The following NXN variants were observed in gnomAD, a reference collection of about 807,000 sequenced individuals.
NXN encodes nucleoredoxin.
Under a neutral mutation model 48.6 loss-of-function variants are expected in NXN, and 16 were observed. That is an observed-to-expected ratio of 0.33 (90% CI 0.22 to 0.50). The LOEUF (loss-of-function observed/expected upper bound fraction) is 0.50, where lower values mean the gene tolerates loss of function less well. Among genes scored for constraint, NXN ranks in the 20% least tolerant of loss-of-function variants. The pLI is 0.98. For synonymous variants in NXN, 281 were observed against 269.6 expected (o/e 1.04, Z -0.41); for missense variants, 492 against 605.5 (o/e 0.81, Z 1.97).
intron 1 of NXN, among the ~76,000 whole-genome samples, chr17:964,011 A>T (rs993493656): frequency 2.0e-5 from 3 of 152,192 alleles, no homozygotes; most frequent in Non-Finnish European, 4.4e-5. Flanking sequence ...CGGGAGGCGG[A>T]GCTTGCAGTG....
At chr17:892,636 C>CGG (rs999015416) in intron 1 of NXN, among the ~76,000 whole-genome samples, 1 of 57,816 alleles carries the variant, frequency 1.7e-5, no homozygotes, top group Non-Finnish European at 3.5e-5. Flanking sequence ...AGGGGCGGGG[C>CGG]GGGGTGGGGT....
At chr17:865,312 G>C (rs2144791371) in intron 1 of NXN, among the ~76,000 whole-genome samples, 1 of 151,730 alleles carries the variant, frequency 6.6e-6, no homozygotes, top group East Asian at 2.0e-4. Flanking sequence ...GCACGATCTT[G>C]GCTCACCGCA....
intron 1 of NXN, chr17:909,645 T>A (rs1423343622): frequency 6.6e-6 from 1 of 151,148 alleles, no homozygotes; most frequent in Non-Finnish European, 1.5e-5. Context: ...TTCACGCCAT[T>A]CTCCTGCCTC....
intron 1 of NXN, among the ~76,000 whole-genome samples, chr17:835,083 C>G (rs371324542): frequency 1.3e-5 from 2 of 151,122 alleles, no homozygotes; most frequent in Non-Finnish European, 3.0e-5. Context: ...CCGAGGCGGG[C>G]GGATCACAAG....
Position 807,268 on chromosome 17 carries a change from G to C in NXN, c.821-2021C>G, listed in dbSNP as rs142869812. ...ATCCCCCCGGCAAGGTCCTTCCTCA[G>C]AGTAGGGTGTTTCTGAAATTGGGCA... is the stretch of plus-strand genomic sequence containing the variant. On this transcript the variant is annotated intron_variant, in intron 5 of 7. Transcript: ENST00000336868. Among the ~76,000 whole-genome samples the C allele has an allele frequency of 8.9e-3, 1,362 of 152,318 alleles. 15 individuals carry two copies. The highest frequency in any genetic ancestry group is 0.037 in the South Asian group (181 of 4,832).
At chr17:963,063 A>AT (rs1298672729) in intron 1 of NXN, among the ~76,000 whole-genome samples, 5 of 152,124 alleles carry the variant, frequency 3.3e-5, no homozygotes, top group African/African-American at 1.2e-4. Flanking sequence ...CAGAAATCAT[A>AT]CAAGGTTATC....
intron 1 of NXN, among the ~76,000 whole-genome samples, chr17:948,709 G>GGCCC (rs1201449893): frequency 1.3e-5 from 2 of 151,694 alleles, no homozygotes; most frequent in African/African-American, 4.8e-5. Flanking sequence ...GCCTCACCCC[G>GGCCC]GCCCGTCCCG....
At chr17:939,642 G>C (rs898541896) in intron 1 of NXN, among the ~76,000 whole-genome samples, 1 of 152,050 alleles carries the variant, frequency 6.6e-6, no homozygotes, top group African/African-American at 2.4e-5. Context: ...CACCGCGCCT[G>C]GCCAGAGATC....
intron 1 of NXN, among the ~76,000 whole-genome samples, chr17:884,306 G>C (rs936117317): frequency 5.3e-5 from 8 of 152,080 alleles, no homozygotes; most frequent in African/African-American, 1.9e-4. Flanking sequence ...TTGGGGGGCT[G>C]AGGTGGGAGG....
Position 897,508 on chromosome 17 carries a change from G to A in NXN, c.361-71430C>T, listed in dbSNP as rs181362090. Among the ~76,000 whole-genome samples, 1,412 of 152,260 alleles carry A rather than the reference G, an allele frequency of 9.3e-3. 83 individuals carry two copies. The highest frequency in any genetic ancestry group is 0.085 in the Admixed American group (1,303 of 15,280). On this transcript the variant is annotated intron_variant, in intron 1 of 7. Coordinates refer to ENST00000336868, the MANE Select transcript of NXN (RefSeq NM_022463.5). ...TTGAATAAGGGAAGGAAAATGCCGG[G>A]CGGCCTCATTCACGTCCGGCATGTT...
At chr17:912,471 T>A (rs2068645703) in intron 1 of NXN, among the ~76,000 whole-genome samples, 1 of 152,166 alleles carries the variant, frequency 6.6e-6, no homozygotes. Flanking sequence ...AGACCCCGTC[T>A]ACATCCTTGC....
chr17:817,279 G>A lies in NXN; in HGVS notation c.820+2160C>T, dbSNP rs566014339. Among the ~76,000 whole-genome samples, 15 of 152,276 alleles carry A rather than the reference G, an allele frequency of 9.9e-5. 1 individual carries two copies. The highest frequency in any genetic ancestry group is 3.4e-3 in the Middle Eastern group (1 of 294). ...GTGATTCTCATATGTACTTGGGATT[G>A]AGAAGCACCAATCTAAAATTAAATA... On this transcript the variant is annotated intron_variant, in intron 5 of 7. Transcript: ENST00000336868.
At chr17:896,981 A>G in intron 1 of NXN, 2 of 1,175,312 alleles carry the variant, frequency 1.7e-6, no homozygotes, top group Non-Finnish European at 2.1e-6. Context: ...CTCTCCTAGG[A>G]AAGTCCCCGC....
rs66721481 is a variant in NXN, at chr17:838,126, C to CTTTTT, written c.361-12053_361-12049dup. On this transcript the variant is annotated intron_variant, in intron 1 of 7. Coordinates refer to ENST00000336868, the MANE Select transcript of NXN (RefSeq NM_022463.5). ...CAGAACACTGAATTTTCCTTTCCTTCTTTTTTTTTTTTTTTTTTTTTTTGA... is the reference window on the plus strand; with the variant it reads ...CAGAACACTGAATTTTCCTTTCCTTCTTTTTTTTTTTTTTTTTTTTTTTTTTTTGA... Among the ~76,000 whole-genome samples the CTTTTT allele has an allele frequency of 5.2e-3, 518 of 99,140 alleles. 4 individuals carry two copies. The highest frequency in any genetic ancestry group is 6.6e-3 in the African/African-American group (156 of 23,758). The allele number at this position is 99,140 out of a possible 152,430, so 65.0% of individuals were successfully genotyped here.
intron 1 of NXN, among the ~76,000 whole-genome samples, chr17:947,205 A>C (rs182234775): frequency 6.6e-6 from 1 of 152,084 alleles, no homozygotes; most frequent in Non-Finnish European, 1.5e-5. Context: ...TGGCTGAAAA[A>C]CCGTCACAGG....
intron 5 of NXN, among the ~76,000 whole-genome samples, chr17:806,849 G>A (rs951609633): frequency 3.3e-5 from 5 of 152,130 alleles, no homozygotes; most frequent in Non-Finnish European, 7.4e-5. Flanking sequence ...CAAAGTGGCT[G>A]ATGTATCAGG....
intron 4 of NXN, among the ~76,000 whole-genome samples, 192 bp from the exon 5 acceptor site, chr17:819,737 T>A (rs1912714880): frequency 6.6e-6 from 1 of 152,052 alleles, no homozygotes; most frequent in Admixed American, 6.6e-5. Flanking sequence ...AGCAAATGCC[T>A]CCACACAGCA....
rs35579004 is a variant in NXN at position 856,487 on chromosome 17, CTT to C, written c.361-30411_361-30410del. Among the ~76,000 whole-genome samples the C allele has an allele frequency of 9.3e-3, 1,129 of 121,024 alleles. 2 individuals are homozygous for C. Among genetic ancestry groups the C allele is most frequent in the African/African-American group, 0.031 (983 of 31,488 alleles). 79.4% of individuals were successfully genotyped at this position (121,024 alleles called of 152,430 possible). Reference sequence around the variant, plus strand: ...TCCACTGGTCTTGCTAAGTACTTGTCTTTTTTTTTTTTTTTTTTTTTGAGACT... The same window carrying C: ...TCCACTGGTCTTGCTAAGTACTTGTCTTTTTTTTTTTTTTTTTTTGAGACT... On this transcript the variant is annotated intron_variant, in intron 1 of 7. Coordinates refer to ENST00000336868, the MANE Select transcript of NXN (RefSeq NM_022463.5).
intron 1 of NXN, among the ~76,000 whole-genome samples, chr17:939,483 T>C (rs2068945502): frequency 6.6e-6 from 1 of 151,888 alleles, no homozygotes; most frequent in Non-Finnish European, 1.5e-5. Flanking sequence ...GTAGCAGGGA[T>C]TACAGGTGCC....
Sources: gnomAD v4.1 joint callset for allele counts (sites outside exome capture counted in the v4.1 genomes callset) on GRCh38, gnomAD v4.1.1 for gene constraint, MANE v1.5 for transcripts, NCBI Gene and HGNC (gene_info 2026-07-23, HGNC 2026-07-21) for gene names.